The following STXBP5L variants were observed in gnomAD, a reference collection of about 807,000 sequenced individuals.
STXBP5L encodes the protein syntaxin-binding protein 5-like.
A neutral mutation model predicts 144.5 loss-of-function variants in STXBP5L; 65 were observed. The ratio of observed to expected loss-of-function variants is 0.45; its 90% confidence interval spans 0.37 to 0.55. The LOEUF is 0.55. Among genes scored for constraint, STXBP5L ranks in the 20% least tolerant of loss-of-function variants. The probability of loss-of-function intolerance (pLI) is 0.00; values close to 1 mark genes in which losing one functional copy is unlikely to be tolerated. For missense variants in STXBP5L, 1,298 were observed against 1,405.5 expected, an observed-to-expected ratio of 0.92 and a Z score of 1.22; for synonymous variants, 505 against 469.6, an observed-to-expected ratio of 1.08 and a Z score of -0.97.
rs1318479289 is a variant in STXBP5L at position 120,929,623 on chromosome 3, A to G, written c.189+19856A>G. Among the ~76,000 whole-genome samples, 4 of 152,126 alleles carry G rather than the reference A, an allele frequency of 2.6e-5. No individual in the cohort carries two copies. The East Asian group carries it at 7.7e-4, about 29-fold the overall frequency. ...TGGGCATTAAACCTTCAGCATATTT[A>G]ATATTACTTCCCGAGATGAAATTTC... On this transcript the variant is annotated intron_variant, in intron 2 of 26. Coordinates refer to ENST00000471454, the MANE Select transcript of STXBP5L (RefSeq NM_001308330.2).
chr3:121,139,337 T>A (rs2045396568), intron 7 of STXBP5L, among the ~76,000 whole-genome samples: 2 of 152,030 alleles, frequency 1.3e-5, no homozygotes, highest in Admixed American at 1.3e-4. Flanking sequence ...AAAAAAGCAC[T>A]CTCTCTTATA....
At chr3:121,339,899 T>C (rs556448671) in intron 20 of STXBP5L, among the ~76,000 whole-genome samples, 3 of 151,114 alleles carry the variant, frequency 2.0e-5, no homozygotes, top group Non-Finnish European at 4.4e-5. Flanking sequence ...CTGAAAGGAA[T>C]CACAGATGAT....
At chr3:120,979,450 C>A (rs1941501489) in intron 3 of STXBP5L, among the ~76,000 whole-genome samples, 1 of 152,200 alleles carries the variant, frequency 6.6e-6, no homozygotes, top group Non-Finnish European at 1.5e-5. Context: ...TGCCGTCTGT[C>A]ACCCCTTTCT....
At chr3:120,935,442 T>C (rs1239278680) in intron 2 of STXBP5L, among the ~76,000 whole-genome samples, 1 of 151,966 alleles carries the variant, frequency 6.6e-6, no homozygotes, top group Non-Finnish European at 1.5e-5. Flanking sequence ...TTTTTACCCT[T>C]ATTTATTATT....
intron 3 of STXBP5L, among the ~76,000 whole-genome samples, chr3:121,029,910 C>A (rs1020314683): frequency 2.2e-4 from 34 of 151,622 alleles, no homozygotes; most frequent in African/African-American, 7.8e-4. Flanking sequence ...TTATGAGGCC[C>A]ACATACATAT....
chr3:121,322,680 T>G (rs565332984), intron 20 of STXBP5L, among the ~76,000 whole-genome samples: 102 of 109,952 alleles, frequency 9.3e-4, no homozygotes, highest in Middle Eastern at 4.7e-3. Flanking sequence ...TGTGTGTGTG[T>G]GGGGTGGGGG....
chr3:120,942,473 A>T (rs1710616735), intron 2 of STXBP5L, among the ~76,000 whole-genome samples: 1 of 151,518 alleles, frequency 6.6e-6, no homozygotes, highest in African/African-American at 2.4e-5. Context: ...ACTTTATATA[A>T]TAGAAAATAT....
chr3:121,082,892 C>A (rs753858997), intron 5 of STXBP5L, among the ~76,000 whole-genome samples: 1 of 152,158 alleles, frequency 6.6e-6, no homozygotes, highest in Admixed American at 6.5e-5. Flanking sequence ...ATTTAGTAAT[C>A]TTTTGTTAAG....
chr3:121,039,524 A>T lies in STXBP5L; in HGVS notation c.288-2176A>T, dbSNP rs186478349. On this transcript the variant is annotated intron_variant, in intron 3 of 26. Coordinates refer to ENST00000471454, the MANE Select transcript of STXBP5L (RefSeq NM_001308330.2). The stretch of plus-strand genomic sequence containing the variant: ...TTTTATATTTACCCATATATTTATC[A>T]TTTTAAATGTTCTTTTTTCCTTTTT... 5.9e-5 allele frequency among the ~76,000 whole-genome samples: 9 copies of T among 151,896 alleles called. No homozygotes were observed. In the East Asian group the frequency reaches 1.7e-3, roughly 29 times the overall value.
At chr3:121,311,449 G>A (rs546450014) in intron 19 of STXBP5L, among the ~76,000 whole-genome samples, 1 of 152,148 alleles carries the variant, frequency 6.6e-6, no homozygotes. Context: ...TAAAAGTGTG[G>A]TATATCTTTA....
intron 19 of STXBP5L, among the ~76,000 whole-genome samples, chr3:121,318,114 G>A (rs1437854528): frequency 6.6e-6 from 1 of 151,938 alleles, no homozygotes; most frequent in Non-Finnish European, 1.5e-5. Context: ...ACTCTTGCAT[G>A]TCAATCAGTT....
chr3:121,281,248 CT>C (rs1162895460), intron 19 of STXBP5L, among the ~76,000 whole-genome samples: 2 of 151,926 alleles, frequency 1.3e-5, no homozygotes, highest in Non-Finnish European at 2.9e-5. Context: ...CACAAAATTT[CT>C]CTTTCAGAAA....
chr3:121,086,992 A>G (rs2042528677), intron 5 of STXBP5L, among the ~76,000 whole-genome samples: 1 of 152,056 alleles, frequency 6.6e-6, no homozygotes, highest in East Asian at 1.9e-4. Flanking sequence ...TGGAGATTTT[A>G]TTGTATCTTT....
chr3:121,377,626 C>G (rs1214438076), intron 20 of STXBP5L, among the ~76,000 whole-genome samples: 1 of 152,146 alleles, frequency 6.6e-6, no homozygotes, highest in African/African-American at 2.4e-5. Context: ...AATGAGATAC[C>G]ATCTCAGGCC....
At chr3:121,418,779 TAATTAAAGA>T (rs757538171) in intron 26 of STXBP5L, among the ~76,000 whole-genome samples, 43 of 95,072 alleles carry the variant, frequency 4.5e-4, no homozygotes, top group Admixed American at 1.1e-3. Flanking sequence ...CCTTAGGGGA[TAATTAAAGA>T]AATTATCCAT....
intron 3 of STXBP5L, among the ~76,000 whole-genome samples, chr3:120,990,800 C>T (rs1416914647): frequency 1.3e-5 from 2 of 152,144 alleles, no homozygotes; most frequent in African/African-American, 2.4e-5. Flanking sequence ...AAACTGGATC[C>T]CTTCCTTACA....
intron 20 of STXBP5L, among the ~76,000 whole-genome samples, chr3:121,347,020 C>A (rs2045020572): frequency 6.6e-6 from 1 of 152,154 alleles, no homozygotes; most frequent in African/African-American, 2.4e-5. Context: ...GACATGAAGT[C>A]CTTGCCCATG....
intron 7 of STXBP5L, among the ~76,000 whole-genome samples, chr3:121,128,782 G>T (rs981335943): frequency 1.3e-5 from 2 of 151,962 alleles, no homozygotes; most frequent in African/African-American, 4.8e-5. Context: ...ATTAAGAGTA[G>T]TTTAATTTTT....
In STXBP5L at chr3:121,159,229, T is replaced by G. The variant is rs542083957; in HGVS notation, c.877+1602T>G. On this transcript the variant is annotated intron_variant, in intron 9 of 26. Coordinates refer to ENST00000471454, the MANE Select transcript of STXBP5L (RefSeq NM_001308330.2). ...AATCATATATAATTTTCATTAATATTTAGTTTGAGATATTTTCTATAATTC... is the reference window on the plus strand; with the variant it reads ...AATCATATATAATTTTCATTAATATGTAGTTTGAGATATTTTCTATAATTC... Among the ~76,000 whole-genome samples the G allele has an allele frequency of 2.6e-5, 4 of 152,146 alleles. 1 individual carries two copies. In the South Asian group the frequency reaches 6.2e-4, roughly 24 times the overall value.
Sources: allele counts gnomAD v4.1 joint callset (sites outside exome capture counted in the v4.1 genomes callset), GRCh38; gene constraint gnomAD v4.1.1; transcripts MANE v1.5; gene names NCBI Gene and HGNC (gene_info 2026-07-23, HGNC 2026-07-21).